Variants in GABRP observed in about 807,000 individuals in gnomAD.
GABRP encodes the protein gamma-aminobutyric acid type A receptor subunit pi.
Under a neutral mutation model 47.8 loss-of-function variants are expected in GABRP, and 52 were observed. The observed-to-expected ratio is 1.09, with a 90% CI of 0.87 to 1.37. The LOEUF (loss-of-function observed/expected upper bound fraction) is 1.37. Ranked by LOEUF, GABRP falls within the 40% of genes most tolerant of loss-of-function variation. The pLI is 0.00. For synonymous variants in GABRP, 221 were observed against 205.8 expected, an observed-to-expected ratio of 1.07 and a Z score of -0.63; for missense variants, 525 against 542.8, an observed-to-expected ratio of 0.97 and a Z score of 0.33.
At chr5:170,786,975 G>A (rs1050573344) in intron 1 of GABRP, among the ~76,000 whole-genome samples, 5 of 151,890 alleles carry the variant, frequency 3.3e-5, no homozygotes, top group African/African-American at 1.2e-4. Flanking sequence ...AAATGGGGGG[G>A]GACTTTTTTG....
At chr5:170,789,025 C>A (rs894826797) in intron 2 of GABRP, 104 bp from the exon 3 acceptor site, 18 of 831,206 alleles carry the variant, frequency 2.2e-5, no homozygotes, top group Non-Finnish European at 3.2e-5. Context: ...ATGGGCAAGG[C>A]ACATACACCC....
Position 170,812,330 on chromosome 5 carries a change from C to T in GABRP, c.*72C>T, listed in dbSNP as rs115615967. On this transcript the variant is annotated 3_prime_UTR_variant, in exon 10 of 10. Transcript: ENST00000265294. ...ATAATGATGTAAATGGTATTTTAGGCCAAGTGTGCACCCACATCCAATGGT... is the reference window on the plus strand; with the variant it reads ...ATAATGATGTAAATGGTATTTTAGGTCAAGTGTGCACCCACATCCAATGGT... 4.3e-4 allele frequency: 525 copies of T among 1,212,412 alleles called. 5 individuals are homozygous for T. The African/African-American group carries it at 7.0e-3, about 16-fold the overall frequency. 75.1% of individuals were successfully genotyped at this position (1,212,412 alleles called of 1,614,324 possible). A position where few individuals can be genotyped will look rare whatever the true frequency, so the allele number is the denominator to read the frequency against.
At chr5:170,809,380 C>G (rs1359835131) in intron 8 of GABRP, among the ~76,000 whole-genome samples, 188 bp from the exon 9 acceptor site, 1 of 152,168 alleles carries the variant, frequency 6.6e-6, no homozygotes, top group East Asian at 1.9e-4. Context: ...AAAAACACAT[C>G]CCTCATATCT....
At chr5:170,790,172 G>C (rs910776276) in intron 3 of GABRP, among the ~76,000 whole-genome samples, 4 of 152,196 alleles carry the variant, frequency 2.6e-5, no homozygotes, top group African/African-American at 9.7e-5. Flanking sequence ...AATAAAGCAA[G>C]GAGGGAGGGA....
At position 170,812,259 on chromosome 5, in the gene GABRP, G is replaced by C. The variant is rs76492364; in HGVS notation, c.*1G>C. ...CTGGGCATACTACATGTATTTTTGA[G>C]TCAATGTTAAATTTCTTGCATGCCA... On this transcript the variant is annotated 3_prime_UTR_variant, in exon 10 of 10. Coordinates refer to ENST00000265294, the MANE Select transcript of GABRP (RefSeq NM_014211.3). 2 of 1,607,100 alleles carry C rather than the reference G, an allele frequency of 1.2e-6. No homozygotes were observed. The highest frequency in any genetic ancestry group is 2.7e-5 in the African/African-American group (2 of 74,590).
chr5:170,794,263 A>C lies in GABRP; in HGVS notation c.205A>C (p.Ile69Leu). 4 of 1,612,064 alleles carry C rather than the reference A, an allele frequency of 2.5e-6. No homozygotes were observed. The highest frequency in any genetic ancestry group is 3.4e-6 in the Non-Finnish European group (4 of 1,179,176). The change falls in exon 4 of 10, where the codon ATT becomes CTT. Residue 69 changes from isoleucine (I) to leucine (L), a missense_variant. Transcript: ENST00000265294. ...EPVQIALTLD[I>L]ASISSISESN... ...CGTACAGATAGCGCTGACTCTGGAC[A>C]TTGCAAGTATCTCTAGCATTTCAGA...
chr5:170,782,958 C>T (rs1765045202), upstream of GABRP: 1 of 152,328 alleles, frequency 6.6e-6, no homozygotes, highest in South Asian at 2.1e-4. Context: ...GGGGATGACC[C>T]AGAGCTCAGT....
chr5:170,796,882 A>G (rs749639732), intron 5 of GABRP, among the ~76,000 whole-genome samples: 1 of 152,224 alleles, frequency 6.6e-6, no homozygotes. Flanking sequence ...GGTGAATGCA[A>G]TCTCCACTGT....
intron 6 of GABRP, 135 bp from the exon 7 acceptor site, chr5:170,805,581 C>T (rs1194399227): frequency 2.0e-6 from 2 of 981,618 alleles, no homozygotes; most frequent in Admixed American, 5.9e-5. Flanking sequence ...TTGCTAAGTT[C>T]TGCATGGGAT....
chr5:170,798,636 G>T (rs566788842), intron 6 of GABRP, among the ~76,000 whole-genome samples: 16 of 151,950 alleles, frequency 1.1e-4, no homozygotes, highest in African/African-American at 3.9e-4. Context: ...ACTCTCCCAA[G>T]ATCATATCAG....
chr5:170,785,843 G>A (rs1487314845), intron 1 of GABRP, among the ~76,000 whole-genome samples: 3 of 152,220 alleles, frequency 2.0e-5, no homozygotes, highest in Non-Finnish European at 4.4e-5. Context: ...AGGCTGATAA[G>A]CATGTGGGAG....
At chr5:170,809,875 G>A in intron 9 of GABRP, 120 bp downstream of exon 9, 1 of 938,996 alleles carries the variant, frequency 1.1e-6, no homozygotes, top group Non-Finnish European at 1.7e-6. Context: ...GTGCTCCAGT[G>A]AGTCTTATCC....
rs1387572619 is a variant in GABRP at position 170,812,025 on chromosome 5, C to T, written c.1090C>T (p.Arg364Trp). Reference sequence around the variant, plus strand: ...CAACAGCTCCATCTCCAGCTTTAAACGGAAGATCAGCTTTGCCAGCATTGA... The same window carrying T: ...CAACAGCTCCATCTCCAGCTTTAAATGGAAGATCAGCTTTGCCAGCATTGA... The part of the protein sequence containing the change: ...IINSSISSFK[R>W]KISFASIEIS... The change falls in exon 10 of 10, where the codon CGG becomes TGG. Residue 364 changes from arginine (R) to tryptophan (W), a missense_variant. Coordinates refer to ENST00000265294, the MANE Select transcript of GABRP (RefSeq NM_014211.3). 4.3e-6 allele frequency: 7 copies of T among 1,614,100 alleles called. No homozygotes were observed. The highest frequency in any genetic ancestry group is 5.9e-6 in the Non-Finnish European group (7 of 1,179,998).
rs1001960391 is a variant in GABRP at position 170,800,462 on chromosome 5, AT to A, written c.541+2924del. On this transcript the variant is annotated intron_variant, in intron 6 of 9. Transcript: ENST00000265294. ...GACTTCATGTCTAAAACACTATTTT[AT>A]TTTTTTTTTCTGTGCAAAGCACTGT... Among the ~76,000 whole-genome samples the A allele has an allele frequency of 5.3e-5, 8 of 151,638 alleles. No individual in the cohort carries two copies. The East Asian group carries it at 1.2e-3, about 22-fold the overall frequency.
chr5:170,803,776 G>GGTTGGTTGGTTA (rs1230755109), intron 6 of GABRP, among the ~76,000 whole-genome samples: 24 of 151,902 alleles, frequency 1.6e-4, no homozygotes, highest in African/African-American at 5.5e-4. Context: ...TTGGTTGGTT[G>GGTTGGTTGGTTA]GTTGGTTGGT....
intron 7 of GABRP, among the ~76,000 whole-genome samples, chr5:170,807,398 G>C (rs1247537649): frequency 6.6e-6 from 1 of 152,104 alleles, no homozygotes; most frequent in Non-Finnish European, 1.5e-5. Flanking sequence ...ATAAAAAATG[G>C]CTTCAGTTTT....
At position 170,812,504 on chromosome 5, in the gene GABRP, C is replaced by T; in HGVS notation, c.*246C>T. ...CTCTTTCATCTTAATCAAGGACATT[C>T]CCATGGAGCCCAAGATTACAAATGT... On this transcript the variant is annotated 3_prime_UTR_variant, in exon 10 of 10. Transcript: ENST00000265294. 1 of 450,694 alleles carries T rather than the reference C, an allele frequency of 2.2e-6. No individual in the cohort carries two copies. The allele number at this position is 450,694 out of a possible 1,614,324, so 27.9% of individuals were successfully genotyped here. A position where few individuals can be genotyped will look rare whatever the true frequency, so the allele number is the denominator to read the frequency against.
At chr5:170,793,340 C>T (rs376352539) in intron 3 of GABRP, among the ~76,000 whole-genome samples, 24 of 152,300 alleles carry the variant, frequency 1.6e-4, no homozygotes, top group African/African-American at 5.8e-4. Flanking sequence ...AAGTAAACTT[C>T]CCTGACCTGG....
rs903273884 is a variant in GABRP, at chr5:170,812,425, C to T, written c.*167C>T. 27 of 619,288 alleles carry T rather than the reference C, an allele frequency of 4.4e-5. No individual in the cohort carries two copies. The African/African-American group carries it at 4.8e-4, about 11-fold the overall frequency. The allele number at this position is 619,288 out of a possible 1,614,324, so 38.4% of individuals were successfully genotyped here. On this transcript the variant is annotated 3_prime_UTR_variant, in exon 10 of 10. Coordinates refer to ENST00000265294, the MANE Select transcript of GABRP (RefSeq NM_014211.3). The stretch of plus-strand genomic sequence containing the variant: ...ATGAAGCTCCAACCATTGTTCTAAG[C>T]TGTGTAGAAGTCCTAGCATTATAGG...
Sources: gnomAD v4.1 joint callset for allele counts (sites outside exome capture counted in the v4.1 genomes callset) on GRCh38, gnomAD v4.1.1 for gene constraint, MANE v1.5 for transcripts, NCBI Gene and HGNC (gene_info 2026-07-23, HGNC 2026-07-21) for gene names.